The following TRPS1 variants were observed in gnomAD, a reference collection of about 807,000 sequenced individuals.
The protein encoded by TRPS1 is zinc finger transcription factor Trps1.
In TRPS1, 6 loss-of-function variants were observed where a neutral mutation model predicts 101.2. That is an observed-to-expected ratio of 0.06 (90% CI 0.03 to 0.12). The LOEUF is 0.12. Ranked by LOEUF, TRPS1 falls within the 10% of genes least tolerant of loss-of-function variation. The probability of loss-of-function intolerance (pLI) is 1.00; values close to 1 mark genes in which losing one functional copy is unlikely to be tolerated. For synonymous variants in TRPS1, 578 were observed against 589.8 expected (o/e 0.98, Z 0.29); for missense variants, 1,363 against 1,567.0 (o/e 0.87, Z 2.20).
chr8:115,639,555 C>T (rs1288228336), intron 1 of TRPS1, among the ~76,000 whole-genome samples: 2 of 151,318 alleles, frequency 1.3e-5, no homozygotes, highest in African/African-American at 2.4e-5. Context: ...AATGGCCAGG[C>T]GTGGTGGTTC....
intron 5 of TRPS1, among the ~76,000 whole-genome samples, chr8:115,556,034 T>A (rs1438827458): frequency 6.6e-6 from 1 of 151,784 alleles, no homozygotes; most frequent in African/African-American, 2.4e-5. Flanking sequence ...AAAAATAAAA[T>A]AAAATAAAGT....
At chr8:115,497,274 G>A (rs573082070) in intron 5 of TRPS1, among the ~76,000 whole-genome samples, 19 of 152,322 alleles carry the variant, frequency 1.2e-4, no homozygotes, top group South Asian at 1.0e-3. Flanking sequence ...CTAATAAGGA[G>A]CGTGCAACCT....
chr8:115,652,513 A>G (rs577948015), intron 1 of TRPS1, among the ~76,000 whole-genome samples: 1 of 152,360 alleles, frequency 6.6e-6, no homozygotes, highest in East Asian at 1.9e-4. Flanking sequence ...GTTGAAATCC[A>G]TCTGGAAATA....
chr8:115,535,360 CACATATATATA>C (rs1376658209), intron 5 of TRPS1, among the ~76,000 whole-genome samples: 1 of 133,488 alleles, frequency 7.5e-6, no homozygotes, highest in Non-Finnish European at 1.6e-5. Context: ...ATATACATAG[CACATATATATA>C]GCATATATAT....
intron 1 of TRPS1, chr8:115,637,353 A>G: frequency 1.0e-6 from 1 of 960,678 alleles, no homozygotes; most frequent in Non-Finnish European, 1.2e-6. Context: ...GATTAGGAAA[A>G]CTAAACTAGA....
intron 5 of TRPS1, among the ~76,000 whole-genome samples, chr8:115,442,964 C>T (rs1441006206): frequency 1.3e-5 from 2 of 152,148 alleles, no homozygotes; most frequent in South Asian, 2.1e-4. Flanking sequence ...GACGTGGTGG[C>T]GGGCGCCTGT....
chr8:115,446,355 A>G (rs1293992049), intron 5 of TRPS1, among the ~76,000 whole-genome samples: 3 of 150,894 alleles, frequency 2.0e-5, no homozygotes, highest in African/African-American at 7.3e-5. Context: ...AACCAACCCA[A>G]AAACTGTTTC....
At chr8:115,507,857 C>A (rs1815485736) in intron 5 of TRPS1, among the ~76,000 whole-genome samples, 1 of 152,038 alleles carries the variant, frequency 6.6e-6, no homozygotes, top group South Asian at 2.1e-4. Flanking sequence ...TCTGCCTAGG[C>A]TGAGAATCCT....
At chr8:115,550,884 C>A (rs1421770298) in intron 5 of TRPS1, among the ~76,000 whole-genome samples, 1 of 152,146 alleles carries the variant, frequency 6.6e-6, no homozygotes, top group Non-Finnish European at 1.5e-5. Flanking sequence ...TTGGAGGAAA[C>A]CGAAACACGG....
At chr8:115,584,186 T>A (rs1817514808) in intron 5 of TRPS1, among the ~76,000 whole-genome samples, 1 of 152,054 alleles carries the variant, frequency 6.6e-6, no homozygotes, top group Non-Finnish European at 1.5e-5. Context: ...ACATTTTCTG[T>A]TGGGCAAGTT....
intron 5 of TRPS1, among the ~76,000 whole-genome samples, chr8:115,525,646 AG>A (rs1815978823): frequency 6.6e-6 from 1 of 152,228 alleles, no homozygotes; most frequent in African/African-American, 2.4e-5. Context: ...GAGAGTGGTT[AG>A]AAACAAAGCT....
rs780181853 is a variant in TRPS1 at position 115,414,399 on chromosome 8, C to A, written c.3509G>T (p.Gly1170Val). The change falls in exon 7 of 7, where the codon GGA becomes GTA. Residue 1170 changes from glycine to valine, a missense_variant. Physicochemically the swap from Gly to Val is moderately radical, Grantham distance 109. Around this residue, in one of 5 missense-constraint regions of TRPS1, gnomAD observed 307 missense variants for 392.4 expected, o/e 0.78. Transcript: ENST00000395715. This position sits in a 1 kb window ranked among gnomAD's most constrained non-coding sequence, Gnocchi z 4.8. ...ATCTAGAGGAATGTCATTGTCTGATCCAACAGCTGAAAAATGAGGAGGCAG... is the reference window on the plus strand; with the variant it reads ...ATCTAGAGGAATGTCATTGTCTGATACAACAGCTGAAAAATGAGGAGGCAG... ...FNLPPHFSAVGSDNDIPLDLA... is the reference protein window; with the variant it reads ...FNLPPHFSAVVSDNDIPLDLA... 1 of 1,613,910 alleles carries A rather than the reference C, an allele frequency of 6.2e-7. No homozygotes were observed. The highest frequency in any genetic ancestry group is 8.5e-7 in the Non-Finnish European group (1 of 1,179,958).
chr8:115,562,141 T>C (rs1816960098), intron 5 of TRPS1, among the ~76,000 whole-genome samples: 1 of 152,070 alleles, frequency 6.6e-6, no homozygotes, highest in Non-Finnish European at 1.5e-5. Context: ...TAGGCAAGTA[T>C]AATTTCACCC....
At chr8:115,507,068 C>T (rs1461597745) in intron 5 of TRPS1, among the ~76,000 whole-genome samples, 1 of 152,076 alleles carries the variant, frequency 6.6e-6, no homozygotes, top group Non-Finnish European at 1.5e-5. Flanking sequence ...CACATAGAAG[C>T]TGTACTCATT....
intron 1 of TRPS1, among the ~76,000 whole-genome samples, chr8:115,631,620 G>A (rs554909411): frequency 1.6e-4 from 23 of 145,100 alleles, no homozygotes; most frequent in Admixed American, 5.0e-4. Context: ...GAAGGCACTC[G>A]TTCTTATTAG....
At chr8:115,659,831 C>T (rs545681464) in intron 1 of TRPS1, among the ~76,000 whole-genome samples, 12 of 151,940 alleles carry the variant, frequency 7.9e-5, no homozygotes, top group South Asian at 4.1e-4. Flanking sequence ...ATTAAATTAA[C>T]CCTCAAATAG....
chr8:115,457,467 T>C (rs183834728), intron 5 of TRPS1, among the ~76,000 whole-genome samples: 128 of 151,966 alleles, frequency 8.4e-4, no homozygotes, highest in African/African-American at 2.9e-3. Context: ...GAGGAGGGAA[T>C]GGGGAGTTAT....
Position 115,619,054 on chromosome 8 carries a change from G to C in TRPS1, c.966+78C>G. The stretch of plus-strand genomic sequence containing the variant: ...CTACCTGTCTGGTACTGGGACCTTG[G>C]TTTTAACATGAATATAAGAATTCAC... On this transcript the variant is annotated intron_variant, in intron 3 of 6. Coordinates refer to ENST00000395715, the MANE Select transcript of TRPS1 (RefSeq NM_014112.5). 5.2e-6 allele frequency: 8 copies of C among 1,534,054 alleles called. No homozygotes were observed. In the South Asian group the frequency reaches 9.4e-5, roughly 18 times the overall value.
At chr8:115,603,059 T>C (rs1409700361) in intron 4 of TRPS1, among the ~76,000 whole-genome samples, 1 of 152,220 alleles carries the variant, frequency 6.6e-6, no homozygotes, top group African/African-American at 2.4e-5. Flanking sequence ...GCACTGACTA[T>C]GTCTTCTCTT....
Sources: gnomAD v4.1 joint callset for allele counts (sites outside exome capture counted in the v4.1 genomes callset) on GRCh38, gnomAD v4.1.1 for gene constraint, gnomAD v4.1.1 regional missense constraint, Gnocchi (gnomAD v3.1) non-coding constraint, MANE v1.5 for transcripts, NCBI Gene and HGNC (gene_info 2026-07-23, HGNC 2026-07-21) for gene names.